SLC25A48: variants seen among roughly 807,000 people sequenced by gnomAD.
SLC25A48 encodes the protein solute carrier family 25 member 48, also known as CTC-321K16.1.
A neutral mutation model predicts 32.2 loss-of-function variants in SLC25A48; 29 were observed. The observed-to-expected ratio is 0.90, with a 90% CI of 0.67 to 1.23. The LOEUF (loss-of-function observed/expected upper bound fraction) is 1.23, where lower values mean the gene tolerates loss of function less well. Among genes scored for constraint, SLC25A48 ranks in the 50% most tolerant of loss-of-function variants. The pLI is 0.00. For synonymous variants in SLC25A48, 164 were observed against 172.3 expected (o/e 0.95, Z 0.38); for missense variants, 399 against 422.7 (o/e 0.94, Z 0.49).
At chr5:135,743,700 G>A (rs1755564667) in intron 3 of SLC25A48, among the ~76,000 whole-genome samples, 1 of 152,208 alleles carries the variant, frequency 6.6e-6, no homozygotes, top group African/African-American at 2.4e-5. Flanking sequence ...ACAGACAGCT[G>A]TTACTTCCCA....
chr5:135,871,612 C>T lies in SLC25A48; in HGVS notation c.573C>T (p.Gly191=), dbSNP rs754776628. The T allele has an allele frequency of 1.9e-6, 3 of 1,614,092 alleles. No individual in the cohort carries two copies. The highest frequency in any genetic ancestry group is 2.7e-5 in the African/African-American group (2 of 74,932). ...CCATGCTGCTGAGGGATGTCCCAGGCTATTGCCTCTACTTCATCCCCTACG... is the reference window on the plus strand; with the variant it reads ...CCATGCTGCTGAGGGATGTCCCAGGTTATTGCCTCTACTTCATCCCCTACG... ...ASAMLLRDVP[G]YCLYFIPYVF... Residue 191 remains glycine, a synonymous_variant, in exon 5 of 8, where the codon GGC becomes GGT. Coordinates refer to ENST00000681962, the MANE Select transcript of SLC25A48 (RefSeq NM_001349336.2).
chr5:135,858,111 G>A (rs938634879), intron 4 of SLC25A48, among the ~76,000 whole-genome samples: 4 of 152,280 alleles, frequency 2.6e-5, no homozygotes, highest in African/African-American at 9.6e-5. Context: ...TGTCTGTGGT[G>A]CCAGAAGGAA....
rs529274597 is a variant in SLC25A48 at position 135,871,634 on chromosome 5, T to C, written c.595T>C (p.Tyr199His). The change falls in exon 5 of 8, where the codon TAC (tyrosine) becomes CAC (histidine). Residue 199 changes from tyrosine to histidine, a missense_variant. Tyr to His is a moderately conservative substitution (Grantham distance 83). Transcript: ENST00000681962. Reference sequence around the variant, plus strand: ...AGGCTATTGCCTCTACTTCATCCCCTACGTGTTCCTGAGTGAGTGGATCAC... The same window carrying C: ...AGGCTATTGCCTCTACTTCATCCCCCACGTGTTCCTGAGTGAGTGGATCAC... ...VPGYCLYFIPYVFLSEWITPE... is the reference protein window; with the variant it reads ...VPGYCLYFIPHVFLSEWITPE... 5.0e-6 allele frequency: 8 copies of C among 1,614,202 alleles called. No individual in the cohort carries two copies. In the African/African-American group the frequency reaches 1.1e-4, roughly 22 times the overall value.
At chr5:135,824,313 G>A (rs1757969109) in intron 4 of SLC25A48, 1 of 152,364 alleles carries the variant, frequency 6.6e-6, no homozygotes, top group Non-Finnish European at 1.5e-5. Flanking sequence ...AGACCCCTCT[G>A]GACTCCAATG....
In SLC25A48 at chr5:135,611,496, C is replaced by CAAAAAAAAAAAAAAAAAAAAAAAAAAA. The variant is rs57138043; in HGVS notation, c.-848-17736_-848-17710dup. Among the ~76,000 whole-genome samples the CAAAAAAAAAAAAAAAAAAAAAAAAAAA allele has an allele frequency of 7.0e-4, 15 of 21,346 alleles. 1 individual carries two copies. Among genetic ancestry groups the CAAAAAAAAAAAAAAAAAAAAAAAAAAA allele is most frequent in the Admixed American group, 1.0e-3 (1 of 986 alleles). The allele number at this position is 21,346 out of a possible 152,430, so 14.0% of individuals were successfully genotyped here. A position where few individuals can be genotyped will look rare whatever the true frequency, so the allele number is the denominator to read the frequency against. On this transcript the variant is annotated intron_variant, in intron 1 of 10. Transcript: ENST00000646290. ...TCGGTGACAGAGCGAGACTCCATCTCAAAAAAAAAAAAAAAAAAAAAAAAA... is the reference window on the plus strand; with the variant it reads ...TCGGTGACAGAGCGAGACTCCATCTCAAAAAAAAAAAAAAAAAAAAAAAAAAAAAAAAAAAAAAAAAAAAAAAAAAAA...
intron 4 of SLC25A48, among the ~76,000 whole-genome samples, chr5:135,828,544 G>A (rs4976480): frequency 0.13 from 20,514 of 152,246 alleles, 1,823 homozygotes; most frequent in Middle Eastern, 0.2. Context: ...CTGAGGAGCT[G>A]GACAGGCACA....
chr5:135,713,862 C>A (rs1483955708), intron 3 of SLC25A48, among the ~76,000 whole-genome samples: 4 of 152,230 alleles, frequency 2.6e-5, no homozygotes, highest in Non-Finnish European at 5.9e-5. Flanking sequence ...CCTCTGTCCA[C>A]AGGACATCTT....
chr5:135,663,753 G>A (rs979594844), intron 3 of SLC25A48, among the ~76,000 whole-genome samples: 12 of 152,082 alleles, frequency 7.9e-5, no homozygotes, highest in African/African-American at 2.4e-4. Flanking sequence ...GACTGCATTT[G>A]GTTATCTCTC....
At chr5:135,786,680 T>C (rs748798957) in intron 3 of SLC25A48, among the ~76,000 whole-genome samples, 13 of 152,102 alleles carry the variant, frequency 8.5e-5, no homozygotes, top group Non-Finnish European at 1.5e-4. Context: ...TCACAGTGGG[T>C]GTTCACCATG....
At chr5:135,692,746 A>C (rs1376337654) in intron 3 of SLC25A48, among the ~76,000 whole-genome samples, 1 of 152,188 alleles carries the variant, frequency 6.6e-6, no homozygotes, top group Non-Finnish European at 1.5e-5. Flanking sequence ...CATGCAATGC[A>C]GCCATCCATG....
intron 7 of SLC25A48, among the ~76,000 whole-genome samples, chr5:135,886,617 ATATATATATATATATATAT>A (rs1561567638): frequency 2.1e-4 from 6 of 28,364 alleles, no homozygotes; most frequent in African/African-American, 5.7e-4. Context: ...ATATATATAT[ATATATATATATATATATAT>A]AAAATATATA....
chr5:135,766,847 T>C (rs545002444), intron 3 of SLC25A48, among the ~76,000 whole-genome samples: 56 of 151,600 alleles, frequency 3.7e-4, no homozygotes, highest in African/African-American at 1.3e-3. Context: ...ATATATTTTG[T>C]AATATCCAAG....
At chr5:135,678,133 C>T (rs531484519) in intron 3 of SLC25A48, among the ~76,000 whole-genome samples, 39 of 152,090 alleles carry the variant, frequency 2.6e-4, no homozygotes, top group Non-Finnish European at 5.1e-4. Flanking sequence ...TTTTTCTTCA[C>T]CTTTTGGGAC....
At chr5:135,746,130 C>G (rs987107569) in intron 3 of SLC25A48, 2 of 152,922 alleles carry the variant, frequency 1.3e-5, no homozygotes, top group African/African-American at 4.8e-5. Flanking sequence ...CACTCCTCTC[C>G]GTATACAATA....
intron 1 of SLC25A48, among the ~76,000 whole-genome samples, chr5:135,607,390 C>T (rs1025530449): frequency 3.9e-5 from 6 of 152,134 alleles, no homozygotes; most frequent in Non-Finnish European, 8.8e-5. Flanking sequence ...TACATCTATC[C>T]ATGTGTGCAC....
chr5:135,864,751 T>C (rs2126783371), intron 4 of SLC25A48, among the ~76,000 whole-genome samples: 1 of 152,386 alleles, frequency 6.6e-6, no homozygotes, highest in East Asian at 1.9e-4. Context: ...TTACCAGACA[T>C]TAATGATAGT....
chr5:135,865,233 T>C (rs373054871), intron 4 of SLC25A48, among the ~76,000 whole-genome samples: 1 of 152,170 alleles, frequency 6.6e-6, no homozygotes, highest in Non-Finnish European at 1.5e-5. Flanking sequence ...CAGGGCTCTT[T>C]CTATGAAAGC....
intron 3 of SLC25A48, among the ~76,000 whole-genome samples, chr5:135,636,839 C>G (rs1012537194): frequency 6.6e-6 from 1 of 152,218 alleles, no homozygotes; most frequent in Admixed American, 6.5e-5. Context: ...AACATGTGGG[C>G]TATTGATAGC....
chr5:135,720,645 G>C (rs1221422196), intron 3 of SLC25A48, among the ~76,000 whole-genome samples: 1 of 152,168 alleles, frequency 6.6e-6, no homozygotes, highest in Non-Finnish European at 1.5e-5. Context: ...GCATAGCCCA[G>C]CCCTGCAAAA....
Sources: allele counts gnomAD v4.1 joint callset (sites outside exome capture counted in the v4.1 genomes callset), GRCh38; gene constraint gnomAD v4.1.1; transcripts MANE v1.5; gene names NCBI Gene and HGNC (gene_info 2026-07-23, HGNC 2026-07-21).